MALRD1: variants seen among roughly 807,000 people sequenced by gnomAD.
MALRD1 encodes the protein MAM and LDL-receptor class A domain-containing protein 1.
A neutral mutation model predicts 242.1 loss-of-function variants in MALRD1; 247 were observed. The observed-to-expected ratio is 1.02, with a 90% CI of 0.92 to 1.13. MALRD1 has a LOEUF of 1.13. Among genes scored for constraint, MALRD1 ranks in the 50% most tolerant of loss-of-function variants. The pLI is 0.00. For synonymous variants in MALRD1, 995 were observed against 866.6 expected (o/e 1.15, Z -2.60); for missense variants, 2,989 against 2,533.1 (o/e 1.18, Z -3.86).
chr10:19,419,809 A>G (rs1454833861), intron 28 of MALRD1, among the ~76,000 whole-genome samples: 2 of 152,074 alleles, frequency 1.3e-5, no homozygotes, highest in Non-Finnish European at 2.9e-5. Flanking sequence ...ATAGTCGTCA[A>G]CTTTTCTTAT....
rs1444179104 is a variant in MALRD1 at position 19,708,769 on chromosome 10, C to T, written c.6314+16215C>T. Reference sequence around the variant, plus strand: ...CTCCGCCTCCCAGGTTCAAGCGATTCTCCTGCCTCAGCCTCCCGAGTACCT... The same window carrying T: ...CTCCGCCTCCCAGGTTCAAGCGATTTTCCTGCCTCAGCCTCCCGAGTACCT... On this transcript the variant is annotated intron_variant, in intron 38 of 39. Coordinates refer to ENST00000454679, the MANE Select transcript of MALRD1 (RefSeq NM_001142308.3). 2.4e-5 allele frequency among the ~76,000 whole-genome samples: 3 copies of T among 123,124 alleles called. 1 individual carries two copies. The highest frequency in any genetic ancestry group is 1.8e-4 in the Admixed American group (2 of 11,064). The allele number at this position is 123,124 out of a possible 152,430, so 80.8% of individuals were successfully genotyped here.
rs79335160 is a variant in MALRD1, at chr10:19,064,858, G to A, written c.200-1861G>A. 2.7e-3 allele frequency among the ~76,000 whole-genome samples: 407 copies of A among 151,994 alleles called. 1 individual carries two copies. The highest frequency in any genetic ancestry group is 9.4e-3 in the African/African-American group (390 of 41,440). ...TTATTGAATTGTAGCTGCTTCATGC[G>A]GAGCAGGACCAACTCATAGGTAGTG... is the stretch of plus-strand genomic sequence containing the variant. On this transcript the variant is annotated intron_variant, in intron 1 of 39. Coordinates refer to ENST00000454679, the MANE Select transcript of MALRD1 (RefSeq NM_001142308.3).
At chr10:19,576,563 T>G (rs1171420694) in intron 33 of MALRD1, among the ~76,000 whole-genome samples, 1 of 152,192 alleles carries the variant, frequency 6.6e-6, no homozygotes, top group African/African-American at 2.4e-5. Context: ...AAATGCTAAG[T>G]GGTTAATTGC....
At chr10:19,378,202 A>T (rs1200757582) in intron 26 of MALRD1, among the ~76,000 whole-genome samples, 17 of 152,154 alleles carry the variant, frequency 1.1e-4, no homozygotes, top group Non-Finnish European at 2.2e-4. Context: ...ACCAAAGCTT[A>T]AACAATATGT....
intron 2 of MALRD1, among the ~76,000 whole-genome samples, chr10:19,083,081 T>C (rs1188280685): frequency 6.6e-6 from 1 of 152,024 alleles, no homozygotes; most frequent in Admixed American, 6.6e-5. Context: ...ATGAGGACTC[T>C]ACCTTCAGAG....
chr10:19,418,838 T>C (rs534574896), intron 28 of MALRD1, among the ~76,000 whole-genome samples: 1 of 152,298 alleles, frequency 6.6e-6, no homozygotes, highest in East Asian at 1.9e-4. Flanking sequence ...ACATCTTAGC[T>C]CAGGTTATCA....
Position 19,500,142 on chromosome 10 carries a change from G to A in MALRD1, c.5320+1496G>A, listed in dbSNP as rs112385472. ...TGGCTTCATAGAATGAGTTAGGGAAGAGTCCCTCCTCCTTGAATTTTTGGA... is the reference window on the plus strand; with the variant it reads ...TGGCTTCATAGAATGAGTTAGGGAAAAGTCCCTCCTCCTTGAATTTTTGGA... On this transcript the variant is annotated intron_variant, in intron 31 of 39. Coordinates refer to ENST00000454679, the MANE Select transcript of MALRD1 (RefSeq NM_001142308.3). Among the ~76,000 whole-genome samples the A allele has an allele frequency of 6.6e-3, 998 of 152,272 alleles. 13 individuals are homozygous for A. The highest frequency in any genetic ancestry group is 0.022 in the African/African-American group (912 of 41,546).
At chr10:19,135,374 C>T (rs753494880) in intron 9 of MALRD1, among the ~76,000 whole-genome samples, 11 of 152,100 alleles carry the variant, frequency 7.2e-5, no homozygotes, top group Non-Finnish European at 1.3e-4. Flanking sequence ...AGGCTGGTCT[C>T]GAACTCCTGA....
intron 26 of MALRD1, among the ~76,000 whole-genome samples, chr10:19,381,033 A>ATGC (rs1845815597): frequency 1.4e-5 from 2 of 145,572 alleles, no homozygotes; most frequent in African/African-American, 5.1e-5. Context: ...AGCATTAGGT[A>ATGC]TATCTCCCAG....
At chr10:19,317,645 C>G (rs1722832950) in intron 21 of MALRD1, among the ~76,000 whole-genome samples, 1 of 151,900 alleles carries the variant, frequency 6.6e-6, no homozygotes, top group African/African-American at 2.4e-5. Context: ...ATTGATGGGC[C>G]TTACTGAAAA....
At chr10:19,554,718 T>G (rs568797972) in intron 32 of MALRD1, among the ~76,000 whole-genome samples, 4 of 152,198 alleles carry the variant, frequency 2.6e-5, no homozygotes, top group Non-Finnish European at 4.4e-5. Flanking sequence ...GCAAAGGACA[T>G]GATCTTGTTC....
At chr10:19,669,562 C>A (rs918762603) in intron 36 of MALRD1, among the ~76,000 whole-genome samples, 3 of 152,056 alleles carry the variant, frequency 2.0e-5, no homozygotes. Flanking sequence ...AAAGGGTACT[C>A]ATAGTTTATC....
chr10:19,629,731 A>G (rs1330855501), intron 36 of MALRD1, among the ~76,000 whole-genome samples: 1 of 152,126 alleles, frequency 6.6e-6, no homozygotes, highest in African/African-American at 2.4e-5. Context: ...GCTTCTAAGA[A>G]TGCTGACAAA....
chr10:19,054,026 G>A (rs1028969750), intron 1 of MALRD1, among the ~76,000 whole-genome samples: 5 of 152,058 alleles, frequency 3.3e-5, no homozygotes, highest in Non-Finnish European at 5.9e-5. Flanking sequence ...TGGGTCTAGT[G>A]TTGATGAGAA....
chr10:19,371,092 T>TA (rs759092754), intron 26 of MALRD1, among the ~76,000 whole-genome samples: 81,602 of 123,606 alleles, frequency 0.66, 26,970 homozygotes, highest in Non-Finnish European at 0.7. Flanking sequence ...TCTACGAAAT[T>TA]AAAAAAAAAA....
intron 21 of MALRD1, among the ~76,000 whole-genome samples, chr10:19,293,104 G>T (rs1469186526): frequency 2.0e-5 from 3 of 152,028 alleles, no homozygotes; most frequent in Non-Finnish European, 4.4e-5. Flanking sequence ...AAGAAGATAA[G>T]CCAATATTTT....
chr10:19,699,205 T>TAATAATAATAATAAC (rs1278574101), intron 38 of MALRD1, among the ~76,000 whole-genome samples: 2 of 148,500 alleles, frequency 1.3e-5, no homozygotes, highest in African/African-American at 5.0e-5. Context: ...ACTTAAAGTA[T>TAATAATAATAATAAC]AATAATAATA....
chr10:19,450,284 C>G (rs1835248068), intron 28 of MALRD1, 23 bp from the exon 29 acceptor site: 9 of 1,532,802 alleles, frequency 5.9e-6, no homozygotes, highest in Non-Finnish European at 7.9e-6. Context: ...TTATTTCCCT[C>G]ATACAAACTT....
At chr10:19,629,662 C>T (rs1404702883) in intron 36 of MALRD1, among the ~76,000 whole-genome samples, 5 of 152,236 alleles carry the variant, frequency 3.3e-5, no homozygotes, top group Middle Eastern at 3.4e-3. Flanking sequence ...ATGTGGCCAA[C>T]GCACTCTACT....
Sources: allele counts gnomAD v4.1 joint callset (sites outside exome capture counted in the v4.1 genomes callset), GRCh38; gene constraint gnomAD v4.1.1; transcripts MANE v1.5; gene names NCBI Gene and HGNC (gene_info 2026-07-23, HGNC 2026-07-21).